Variants in PANX1 observed in about 807,000 individuals in gnomAD.
PANX1 encodes pannexin-1.
In PANX1, 30 loss-of-function variants were observed where a neutral mutation model predicts 38.7. That is an observed-to-expected ratio of 0.78 (90% CI 0.58 to 1.05). PANX1 has a LOEUF of 1.05. Ranked by LOEUF, PANX1 falls within the 50% of genes least tolerant of loss-of-function variation. PANX1 has a pLI of 0.00. For missense variants in PANX1, 551 were observed against 517.2 expected, an observed-to-expected ratio of 1.07 and a Z score of -0.63; for synonymous variants, 230 against 212.2, an observed-to-expected ratio of 1.08 and a Z score of -0.73.
At chr11:94,133,597 G>C (rs952528013) in intron 1 of PANX1, among the ~76,000 whole-genome samples, 6 of 152,198 alleles carry the variant, frequency 3.9e-5, no homozygotes, top group African/African-American at 7.2e-5. Flanking sequence ...ATGTGCACCT[G>C]TCTGGTTAGG....
intron 2 of PANX1, among the ~76,000 whole-genome samples, chr11:94,161,398 A>G (rs1272025649): frequency 6.6e-6 from 1 of 152,172 alleles, no homozygotes; most frequent in Non-Finnish European, 1.5e-5. Context: ...ACATAGTCCC[A>G]TATTTCTTGG....
chr11:94,136,705 T>C (rs1477162983), intron 1 of PANX1, among the ~76,000 whole-genome samples: 7 of 150,780 alleles, frequency 4.6e-5, no homozygotes, highest in African/African-American at 1.7e-4. Flanking sequence ...GAGGCGGAGC[T>C]TGCAGTGAGC....
At chr11:94,140,143 G>A (rs1946744948) in intron 1 of PANX1, among the ~76,000 whole-genome samples, 1 of 152,222 alleles carries the variant, frequency 6.6e-6, no homozygotes, top group African/African-American at 2.4e-5. Context: ...GGATAAATAG[G>A]CTATACATGG....
intron 3 of PANX1, 125 bp from the exon 4 acceptor site, chr11:94,179,477 C>G (rs760654352): frequency 3.0e-5 from 19 of 630,054 alleles, no homozygotes; most frequent in South Asian, 4.1e-5. Flanking sequence ...TGACTACTGA[C>G]GTTGTAGGTA....
At chr11:94,153,914 G>C (rs1186137908) in intron 2 of PANX1, among the ~76,000 whole-genome samples, 6 of 152,184 alleles carry the variant, frequency 3.9e-5, no homozygotes, top group Non-Finnish European at 7.3e-5. Flanking sequence ...TGCCCAGCAG[G>C]ATGTCTGGCC....
intron 2 of PANX1, among the ~76,000 whole-genome samples, chr11:94,154,533 G>C (rs748138370): frequency 4.6e-5 from 7 of 152,112 alleles, no homozygotes; most frequent in Non-Finnish European, 8.8e-5. Context: ...TAGAATTTTA[G>C]CTTTCGAAAA....
At chr11:94,134,519 C>T (rs769583463) in intron 1 of PANX1, among the ~76,000 whole-genome samples, 2 of 152,140 alleles carry the variant, frequency 1.3e-5, no homozygotes, top group Admixed American at 6.5e-5. Flanking sequence ...AGTCCTGATC[C>T]CCAATGTGAT....
At chr11:94,158,233 T>C (rs1351803030) in intron 2 of PANX1, among the ~76,000 whole-genome samples, 1 of 152,240 alleles carries the variant, frequency 6.6e-6, no homozygotes, top group East Asian at 1.9e-4. Flanking sequence ...CGATGCAGGC[T>C]CTTTTTTGGT....
chr11:94,154,831 A>G (rs1047099350), intron 2 of PANX1, among the ~76,000 whole-genome samples: 1 of 152,260 alleles, frequency 6.6e-6, no homozygotes, highest in African/African-American at 2.4e-5. Flanking sequence ...TGCTATATGT[A>G]TTATATACTG....
intron 2 of PANX1, among the ~76,000 whole-genome samples, chr11:94,157,231 G>A (rs1197965621): frequency 6.6e-6 from 1 of 152,052 alleles, no homozygotes; most frequent in Non-Finnish European, 1.5e-5. Context: ...ATAATCCTTT[G>A]GGTATATACC....
intron 2 of PANX1, among the ~76,000 whole-genome samples, chr11:94,171,721 A>C (rs994430096): frequency 1.3e-5 from 2 of 151,478 alleles, no homozygotes; most frequent in African/African-American, 4.9e-5. Flanking sequence ...GGTATGATCA[A>C]TGGTGTCATT....
At chr11:94,165,802 C>T (rs528152545) in intron 2 of PANX1, among the ~76,000 whole-genome samples, 122 of 152,176 alleles carry the variant, frequency 8.0e-4, no homozygotes, top group Non-Finnish European at 1.4e-3. Flanking sequence ...CCCAGCTACT[C>T]GGGAGGCTGA....
At chr11:94,142,890 A>G (rs1696645261) in intron 1 of PANX1, among the ~76,000 whole-genome samples, 1 of 152,242 alleles carries the variant, frequency 6.6e-6, no homozygotes, top group African/African-American at 2.4e-5. Flanking sequence ...TATAAAGGCC[A>G]TGTGGCATTA....
chr11:94,130,269 G>A (rs552315844), intron 1 of PANX1, among the ~76,000 whole-genome samples: 1 of 152,338 alleles, frequency 6.6e-6, no homozygotes, highest in East Asian at 1.9e-4. Context: ...GGGGAAGAGA[G>A]AGGACCCAGT....
intron 1 of PANX1, among the ~76,000 whole-genome samples, chr11:94,130,897 T>A (rs149773095): frequency 5.3e-5 from 8 of 152,350 alleles, no homozygotes; most frequent in Admixed American, 5.2e-4. Flanking sequence ...CACTAAGTTG[T>A]TCAGCTTGGC....
At chr11:94,134,393 G>A (rs544434505) in intron 1 of PANX1, among the ~76,000 whole-genome samples, 2 of 152,296 alleles carry the variant, frequency 1.3e-5, no homozygotes, top group East Asian at 1.9e-4. Flanking sequence ...ATTGCATGAC[G>A]TGACCTTCAA....
intron 4 of PANX1, 79 bp downstream of exon 4, chr11:94,180,336 T>G: frequency 8.3e-7 from 1 of 1,207,104 alleles, no homozygotes; most frequent in African/African-American, 1.5e-5. Context: ...TTGACAGTCT[T>G]TACCCTGCCC....
At chr11:94,150,236 C>G (rs929446356) in intron 1 of PANX1, among the ~76,000 whole-genome samples, 15 of 152,134 alleles carry the variant, frequency 9.9e-5, no homozygotes, top group Non-Finnish European at 1.0e-4. Flanking sequence ...CAAGCCACAG[C>G]CTTCATTGAG....
intron 1 of PANX1, among the ~76,000 whole-genome samples, chr11:94,139,099 CAAGT>C (rs1443694348): frequency 1.3e-5 from 2 of 152,158 alleles, no homozygotes; most frequent in East Asian, 3.8e-4. Flanking sequence ...ATAGTCAACT[CAAGT>C]AAGTGAGCCT....
Sources: gnomAD v4.1 joint callset for allele counts (sites outside exome capture counted in the v4.1 genomes callset) on GRCh38, gnomAD v4.1.1 for gene constraint, MANE v1.5 for transcripts, NCBI Gene and HGNC (gene_info 2026-07-23, HGNC 2026-07-21) for gene names.